PROM1: variants seen among roughly 807,000 people sequenced by gnomAD.
PROM1 encodes prominin-1.
Under a neutral mutation model 116.9 loss-of-function variants are expected in PROM1, and 105 were observed. The ratio of observed to expected loss-of-function variants is 0.90; its 90% CI spans 0.77 to 1.06. The LOEUF is 1.06. Ranked by LOEUF, PROM1 falls within the 50% of genes least tolerant of loss-of-function variation. The probability of loss-of-function intolerance (pLI) is 0.00; values close to 1 mark genes in which losing one functional copy is unlikely to be tolerated. For missense variants in PROM1, 1,122 were observed against 1,045.2 expected (o/e 1.07, Z -1.01); for synonymous variants, 393 against 387.0 (o/e 1.02, Z -0.18).
intron 2 of PROM1, among the ~76,000 whole-genome samples, chr4:16,067,594 T>C (rs909709396): frequency 3.3e-5 from 5 of 152,184 alleles, no homozygotes; most frequent in Admixed American, 1.3e-4. Flanking sequence ...TCAATAGATA[T>C]CAGTTCTTTC....
intron 5 of PROM1, among the ~76,000 whole-genome samples, chr4:16,032,198 C>A (rs1041285792): frequency 6.6e-6 from 1 of 151,530 alleles, no homozygotes; most frequent in Non-Finnish European, 1.5e-5. Context: ...GGTCTGCAAC[C>A]TGCTTTTTCA....
chr4:16,028,097 C>T (rs1731777071), intron 5 of PROM1, among the ~76,000 whole-genome samples: 1 of 152,074 alleles, frequency 6.6e-6, no homozygotes, highest in South Asian at 2.1e-4. Context: ...GGGATAATCA[C>T]TTGAGCCCAG....
chr4:16,068,951 A>G (rs1288556463), intron 2 of PROM1, among the ~76,000 whole-genome samples: 5 of 152,132 alleles, frequency 3.3e-5, no homozygotes, highest in African/African-American at 1.2e-4. Flanking sequence ...AAAACATACC[A>G]ATGCTGGGCA....
chr4:15,971,091 CA>C lies in PROM1; in HGVS notation c.2583-10del. The C allele has an allele frequency of 1.9e-6, 3 of 1,562,284 alleles. No individual in the cohort carries two copies. Reference sequence around the variant, plus strand: ...ATCAATGTTGTGATGGGCTAAAAAACAAAAAAATAAAGAAATATAATACCCC... The same window carrying C: ...ATCAATGTTGTGATGGGCTAAAAAACAAAAAATAAAGAAATATAATACCCC... On this transcript the variant is annotated splice_polypyrimidine_tract_variant and intron_variant, in intron 26 of 27. Coordinates refer to ENST00000447510, the MANE Select transcript of PROM1 (RefSeq NM_006017.3).
At chr4:16,072,111 G>C (rs2149566767) in intron 2 of PROM1, among the ~76,000 whole-genome samples, 1 of 152,258 alleles carries the variant, frequency 6.6e-6, no homozygotes, top group Non-Finnish European at 1.5e-5. Flanking sequence ...GTGGTTACCT[G>C]TGTTCCTTGT....
At chr4:16,021,118 T>G (rs1729748738) in intron 8 of PROM1, among the ~76,000 whole-genome samples, 1 of 128,512 alleles carries the variant, frequency 7.8e-6, no homozygotes, top group African/African-American at 2.9e-5. Flanking sequence ...AAAAAAATGC[T>G]GGAGTAGTTT....
chr4:16,068,107 G>C (rs1741960129), intron 2 of PROM1, among the ~76,000 whole-genome samples: 1 of 152,188 alleles, frequency 6.6e-6, no homozygotes, highest in Admixed American at 6.5e-5. Flanking sequence ...AGGAGGCAGA[G>C]AGAATCCAGG....
intron 2 of PROM1, among the ~76,000 whole-genome samples, chr4:16,066,129 A>G (rs1336899295): frequency 6.6e-6 from 1 of 152,202 alleles, no homozygotes; most frequent in Non-Finnish European, 1.5e-5. Flanking sequence ...CTTCCTGCCT[A>G]CAGAACCACA....
chr4:16,066,464 A>G (rs757131765), intron 2 of PROM1, among the ~76,000 whole-genome samples: 1 of 152,176 alleles, frequency 6.6e-6, no homozygotes, highest in Non-Finnish European at 1.5e-5. Flanking sequence ...GAGATTATTA[A>G]GTAACTTGTG....
intron 14 of PROM1, among the ~76,000 whole-genome samples, chr4:15,999,470 T>C (rs963270916): frequency 1.4e-5 from 2 of 141,570 alleles, no homozygotes; most frequent in African/African-American, 2.6e-5. Context: ...GACTCCGTCT[T>C]AAAAAAAAAA....
At chr4:16,043,601 A>G (rs1735828305) in intron 2 of PROM1, among the ~76,000 whole-genome samples, 1 of 152,216 alleles carries the variant, frequency 6.6e-6, no homozygotes. Context: ...GAAGCCCCAC[A>G]TGAGAACCAG....
Position 16,033,389 on chromosome 4 carries a change from C to A in PROM1, c.424G>T (p.Glu142Ter). ...MCRCCNKCGG[E>*]MHQRQKENGP... ...TTTTCCTTCTGTCGCTGGTGCATTT[C>A]TCCACCACATTTGTTACAGCAACGA... Residue 142 changes from glutamate (E) to a stop codon, truncating the protein, a stop_gained, in exon 5 of 28, where the codon GAA becomes TAA. Transcript: ENST00000447510. LOFTEE classifies it high-confidence loss of function. The A allele has an allele frequency of 6.2e-7, 1 of 1,613,890 alleles. No individual in the cohort carries two copies. Among genetic ancestry groups the A allele is most frequent in the Non-Finnish European group, 8.5e-7 (1 of 1,179,840 alleles).
chr4:15,992,473 C>A, intron 16 of PROM1, 82 bp from the exon 17 acceptor site: 1 of 1,469,384 alleles, frequency 6.8e-7, no homozygotes, highest in Non-Finnish European at 9.3e-7. Flanking sequence ...GCAATAAAAG[C>A]TGGATGTGGT....
At chr4:16,025,992 T>C (rs1731174330) in intron 5 of PROM1, among the ~76,000 whole-genome samples, 1 of 152,280 alleles carries the variant, frequency 6.6e-6, no homozygotes, top group African/African-American at 2.4e-5. Context: ...AGTCAGTGGT[T>C]ATGCCCAGAG....
intron 2 of PROM1, among the ~76,000 whole-genome samples, chr4:16,042,270 T>C (rs1009157256): frequency 6.6e-6 from 1 of 152,226 alleles, no homozygotes; most frequent in Non-Finnish European, 1.5e-5. Context: ...CCAGTACTTA[T>C]GCCTTTCTAA....
chr4:16,031,921 C>T (rs1293754349), intron 5 of PROM1, among the ~76,000 whole-genome samples: 1 of 152,054 alleles, frequency 6.6e-6, no homozygotes. Flanking sequence ...TTTTTTTTGT[C>T]ACTGTTCAAG....
intron 1 of PROM1, among the ~76,000 whole-genome samples, chr4:16,077,139 G>A (rs1262129189): frequency 6.6e-6 from 1 of 152,148 alleles, no homozygotes; most frequent in South Asian, 2.1e-4. Context: ...TCTTGCAGTT[G>A]AGACAAGAGG....
chr4:16,080,011 C>CAAAAAAAAAAAAAAAAAA (rs60504899), intron 1 of PROM1: 1 of 65,896 alleles, frequency 1.5e-5, no homozygotes, highest in East Asian at 5.7e-4. Flanking sequence ...CCTGTCTCTA[C>CAAAAAAAAAAAAAAAAAA]AAAAAAAAAA....
At chr4:16,018,229 G>C (rs983146287) in intron 9 of PROM1, 94 bp downstream of exon 9, 11 of 1,191,628 alleles carry the variant, frequency 9.2e-6, no homozygotes, top group Non-Finnish European at 1.3e-5. Flanking sequence ...CTCCAAGTCA[G>C]GCCACCATGC....
Sources: gnomAD v4.1 joint callset for allele counts (sites outside exome capture counted in the v4.1 genomes callset) on GRCh38, gnomAD v4.1.1 for gene constraint, MANE v1.5 for transcripts, NCBI Gene and HGNC (gene_info 2026-07-23, HGNC 2026-07-21) for gene names.